ARHGAP32: variants seen among roughly 807,000 people sequenced by gnomAD.
ARHGAP32 encodes rho GTPase-activating protein 32.
In ARHGAP32, 51 loss-of-function variants were observed where a neutral mutation model predicts 186.5. The observed-to-expected ratio is 0.27, with a 90% CI of 0.22 to 0.35. ARHGAP32 has a LOEUF of 0.35. Ranked by LOEUF, ARHGAP32 falls within the 10% of genes least tolerant of loss-of-function variation. The pLI is 1.00. For missense variants in ARHGAP32, 2,186 were observed against 2,623.5 expected, an observed-to-expected ratio of 0.83 and a Z score of 3.64; for synonymous variants, 950 against 964.3, an observed-to-expected ratio of 0.99 and a Z score of 0.27.
chr11:129,235,319 G>A (rs750998007), intron 1 of ARHGAP32, among the ~76,000 whole-genome samples: 2 of 152,010 alleles, frequency 1.3e-5, no homozygotes, highest in South Asian at 2.1e-4. Context: ...TTCACCCCAC[G>A]TTGACTTTAC....
chr11:129,022,089 A>G (rs1938619677), intron 11 of ARHGAP32, among the ~76,000 whole-genome samples: 1 of 152,082 alleles, frequency 6.6e-6, no homozygotes, highest in South Asian at 2.1e-4. Flanking sequence ...TCTCAGGAAG[A>G]CATGCTTGTG....
intron 5 of ARHGAP32, among the ~76,000 whole-genome samples, chr11:129,101,341 A>C (rs554832070): frequency 1.3e-5 from 2 of 152,358 alleles, no homozygotes; most frequent in South Asian, 4.1e-4. Flanking sequence ...TCCTCTCTTC[A>C]GTAAGGGTCC....
At chr11:129,148,963 A>C (rs1943229899) in intron 2 of ARHGAP32, among the ~76,000 whole-genome samples, 1 of 152,188 alleles carries the variant, frequency 6.6e-6, no homozygotes, top group Admixed American at 6.5e-5. Flanking sequence ...GGAAAGTCTA[A>C]GCTTGGACCC....
intron 1 of ARHGAP32, among the ~76,000 whole-genome samples, chr11:129,205,724 C>A (rs892675160): frequency 6.6e-6 from 1 of 152,062 alleles, no homozygotes; most frequent in African/African-American, 2.4e-5. Context: ...AGGTTTGGAT[C>A]TACTAAAATG....
intron 15 of ARHGAP32, 143 bp from the exon 16 acceptor site, chr11:128,982,079 C>G: frequency 1.9e-6 from 1 of 513,166 alleles, no homozygotes. Flanking sequence ...TTTTTTCCTG[C>G]TTAACAGGTT....
At position 129,069,247 on chromosome 11, in the gene ARHGAP32, G is replaced by A. The variant is rs1425117241; in HGVS notation, c.532-2379C>T. Among the ~76,000 whole-genome samples the A allele has an allele frequency of 4.6e-5, 7 of 151,994 alleles. No homozygotes were observed. The South Asian group carries it at 1.2e-3, about 27-fold the overall frequency. On this transcript the variant is annotated intron_variant, in intron 6 of 22. Transcript: ENST00000682385. ...TACCAACTCCTGAAATAAATACACA[G>A]CTAATAGCTTGGCTCTAGGACCACA...
At chr11:129,014,129 T>G (rs1685342399) in intron 11 of ARHGAP32, among the ~76,000 whole-genome samples, 1 of 152,234 alleles carries the variant, frequency 6.6e-6, no homozygotes, top group Non-Finnish European at 1.5e-5. Flanking sequence ...ATACAACATG[T>G]GCCACAATGT....
intron 1 of ARHGAP32, among the ~76,000 whole-genome samples, chr11:129,210,189 A>G (rs1285080589): frequency 1.2e-4 from 18 of 152,364 alleles, no homozygotes; most frequent in African/African-American, 4.3e-4. Flanking sequence ...GTCAGAAGAC[A>G]AACACTTTAA....
rs1480318927 is a variant in ARHGAP32, at chr11:128,969,728, C to G, written c.5485G>C (p.Ala1829Pro). 6.2e-7 allele frequency: 1 copy of G among 1,614,202 alleles called. No individual in the cohort carries two copies. The highest frequency in any genetic ancestry group is 1.7e-5 in the Admixed American group (1 of 60,026). Residue 1829 changes from alanine (A) to proline (P), a missense_variant, in exon 23 of 23, where the codon GCA becomes CCA. By Grantham distance (27) the Ala-to-Pro change is conservative. Around this residue, in one of 5 missense-constraint regions of ARHGAP32, gnomAD observed 1,502 missense variants for 1,570.0 expected, o/e 0.96. Transcript: ENST00000682385. The surrounding 1 kb of genome is among the most constrained non-coding windows in gnomAD (Gnocchi z 4.8). ...SVAEGKESRH[A>P]AKAISPEGED... Reference sequence around the variant, plus strand: ...CCCTCGGGACTGATGGCCTTGGCTGCATGGCGGCTCTCCTTTCCTTCTGCC... The same window carrying G: ...CCCTCGGGACTGATGGCCTTGGCTGGATGGCGGCTCTCCTTTCCTTCTGCC...
intron 5 of ARHGAP32, among the ~76,000 whole-genome samples, chr11:129,101,211 AC>A (rs1941888982): frequency 2.6e-5 from 4 of 152,312 alleles, no homozygotes; most frequent in Admixed American, 2.0e-4. Context: ...GGGAAAAAAA[AC>A]ATCCAAAGGC....
rs146437582 is a variant in ARHGAP32, at chr11:129,263,518, T to C, written c.-5+15628A>G. ...TAGGGAAAGGCAAACCAAACCATGA[T>C]AAGATATCACCTTACCCATTAAAAT... On this transcript the variant is annotated intron_variant, in intron 1 of 6. Coordinates refer to the ARHGAP32 transcript ENST00000525234. Among the ~76,000 whole-genome samples, 1,234 of 137,606 alleles carry C rather than the reference T, an allele frequency of 9.0e-3. 7 individuals carry two copies. The highest frequency in any genetic ancestry group is 0.012 in the Non-Finnish European group (809 of 65,762). 90.3% of individuals were successfully genotyped at this position (137,606 alleles called of 152,430 possible).
intron 15 of ARHGAP32, among the ~76,000 whole-genome samples, chr11:128,982,816 G>A (rs1469904062): frequency 6.8e-6 from 1 of 147,808 alleles, no homozygotes; most frequent in Non-Finnish European, 1.5e-5. Flanking sequence ...CTTCAGCCCA[G>A]GAAGGTTGAG....
At chr11:129,111,866 G>A (rs571337071) in intron 5 of ARHGAP32, among the ~76,000 whole-genome samples, 2 of 152,152 alleles carry the variant, frequency 1.3e-5, no homozygotes, top group African/African-American at 2.4e-5. Context: ...GGGTTCAAGC[G>A]ATTCTCCTAT....
At chr11:128,971,969 T>C (rs1945387612) in intron 22 of ARHGAP32, 1 of 152,618 alleles carries the variant, frequency 6.6e-6, no homozygotes, top group African/African-American at 2.4e-5. Flanking sequence ...TATAATCTCT[T>C]ATACTTCCAA....
At chr11:129,190,332 TACATGAAATTGGGCCTTGCCC>T (rs1274992351) in intron 1 of ARHGAP32, among the ~76,000 whole-genome samples, 2 of 152,198 alleles carry the variant, frequency 1.3e-5, no homozygotes, top group Non-Finnish European at 2.9e-5. Flanking sequence ...TGAGAGACAC[TACATGAAATTGGGCCTTGCCC>T]AGACCTCTTT....
chr11:129,256,976 G>C (rs1408927139), intron 1 of ARHGAP32, among the ~76,000 whole-genome samples: 1 of 152,126 alleles, frequency 6.6e-6, no homozygotes, highest in East Asian at 1.9e-4. Context: ...GGAGGAAAGA[G>C]AAATGGCTAA....
Position 128,970,236 on chromosome 11 carries a change from C to T in ARHGAP32, c.4977G>A (p.Arg1659=). 1.2e-6 allele frequency: 2 copies of T among 1,614,154 alleles called. No individual in the cohort carries two copies. The highest frequency in any genetic ancestry group is 1.7e-5 in the Admixed American group (1 of 60,014). ...AATATGGGCTATACCTGTAGTGGAC[C>T]CGGCCATTCTCAAAGTAAGGCTGAA... The part of the protein sequence containing the change: ...TQLQPYFENG[R]VHYRYSPYSS... The change falls in exon 23 of 23, where the codon CGG becomes CGA. Residue 1659 remains arginine, a synonymous_variant. Coordinates refer to ENST00000682385, the MANE Select transcript of ARHGAP32 (RefSeq NM_001378024.1). The surrounding 1 kb of genome is among the most constrained non-coding windows in gnomAD (Gnocchi z 5.8).
intron 12 of ARHGAP32, among the ~76,000 whole-genome samples, chr11:128,992,944 C>A (rs1397930921): frequency 2.6e-5 from 4 of 152,048 alleles, no homozygotes. Context: ...ATGTTTAATA[C>A]ACTCAATTAT....
chr11:129,086,136 G>A (rs528110229), intron 6 of ARHGAP32, among the ~76,000 whole-genome samples: 33 of 151,776 alleles, frequency 2.2e-4, no homozygotes, highest in Non-Finnish European at 4.3e-4. Flanking sequence ...CCATATAAAA[G>A]TCAACTGACA....
Sources: allele counts gnomAD v4.1 joint callset (sites outside exome capture counted in the v4.1 genomes callset), GRCh38; gene constraint gnomAD v4.1.1; regional missense constraint gnomAD v4.1.1; non-coding constraint Gnocchi (gnomAD v3.1); transcripts MANE v1.5; gene names NCBI Gene and HGNC (gene_info 2026-07-23, HGNC 2026-07-21).